Variants in LHPP observed in about 807,000 individuals in gnomAD.
The protein encoded by LHPP is phospholysine phosphohistidine inorganic pyrophosphate phosphatase.
In LHPP, 24 loss-of-function variants were observed where a neutral mutation model predicts 30.3. The observed-to-expected ratio is 0.79, with a 90% CI of 0.57 to 1.11. The LOEUF is 1.11. LHPP is among the 50% of genes most tolerant of loss of function. LHPP has a pLI of 0.00. For missense variants in LHPP, 356 were observed against 367.2 expected (o/e 0.97, Z 0.25); for synonymous variants, 150 against 157.1 (o/e 0.95, Z 0.34).
chr10:124,487,003 G>A (rs1953350358), intron 2 of LHPP, among the ~76,000 whole-genome samples: 2 of 152,244 alleles, frequency 1.3e-5, no homozygotes, highest in Admixed American at 6.5e-5. Context: ...AGTCTTTTGT[G>A]TAAGGCTTCT....
chr10:124,592,046 A>G lies in LHPP; in HGVS notation c.717-21218A>G, dbSNP rs979112820. 6.6e-6 allele frequency among the ~76,000 whole-genome samples: 1 copy of G among 152,208 alleles called. No homozygotes were observed. The highest frequency in any genetic ancestry group is 2.1e-4 in the South Asian group (1 of 4,832). ...AGCACTCAAGTTTATATGGACAAAT[A>G]AGCAAGTAAAATTAGTTAGGAAATC... is the stretch of plus-strand genomic sequence containing the variant. On this transcript the variant is annotated intron_variant, in intron 6 of 6. Transcript: ENST00000368842. This position sits in a 1 kb window ranked among gnomAD's most constrained non-coding sequence, Gnocchi z 6.2.
intron 1 of LHPP, among the ~76,000 whole-genome samples, chr10:124,475,899 C>T (rs1161977612): frequency 2.0e-5 from 3 of 152,184 alleles, no homozygotes; most frequent in Non-Finnish European, 2.9e-5. Context: ...TGAAATGAGA[C>T]ACTCGGGCTG....
chr10:124,470,841 G>A (rs1377554109), intron 1 of LHPP, among the ~76,000 whole-genome samples: 1 of 129,482 alleles, frequency 7.7e-6, no homozygotes, highest in Non-Finnish European at 1.8e-5. Context: ...GAGTTTTCCT[G>A]ATGCAACCTG....
intron 6 of LHPP, among the ~76,000 whole-genome samples, chr10:124,548,781 C>T (rs1032686395): frequency 6.6e-6 from 1 of 152,222 alleles, no homozygotes; most frequent in Non-Finnish European, 1.5e-5. Flanking sequence ...TCAGTGAACC[C>T]TGAGGCTTCC....
At chr10:124,611,785 G>A (rs567413063) in intron 6 of LHPP, among the ~76,000 whole-genome samples, 1 of 152,048 alleles carries the variant, frequency 6.6e-6, no homozygotes, top group Non-Finnish European at 1.5e-5. Flanking sequence ...CCTTTGAAAG[G>A]GCCAACACGG....
At chr10:124,513,655 T>A (rs1191425249) in intron 5 of LHPP, among the ~76,000 whole-genome samples, 1 of 149,512 alleles carries the variant, frequency 6.7e-6, no homozygotes, top group South Asian at 2.1e-4. Context: ...CTGGTTTCAC[T>A]ATGTTGGCCA....
chr10:124,544,683 C>T (rs866628765), intron 6 of LHPP, among the ~76,000 whole-genome samples: 20 of 152,348 alleles, frequency 1.3e-4, no homozygotes, highest in Middle Eastern at 3.4e-3. Flanking sequence ...GCACAAGCCT[C>T]GGCTCTGTGG....
chr10:124,575,181 G>A (rs73369483), intron 6 of LHPP, among the ~76,000 whole-genome samples: 8,954 of 152,130 alleles, frequency 0.059, 834 homozygotes, highest in African/African-American at 0.2. Context: ...GAATCCTGGT[G>A]GACACAGCCT....
chr10:124,520,130 G>A (rs1954574076), intron 6 of LHPP, among the ~76,000 whole-genome samples: 1 of 152,010 alleles, frequency 6.6e-6, no homozygotes, highest in African/African-American at 2.4e-5. Context: ...ACCGCGCCCG[G>A]CCTCTTTCTT....
intron 1 of LHPP, among the ~76,000 whole-genome samples, chr10:124,476,575 G>A (rs780361616): frequency 3.3e-5 from 5 of 152,182 alleles, no homozygotes; most frequent in Admixed American, 6.5e-5. Context: ...GACAGATGCC[G>A]ATCTGTTGCT....
intron 5 of LHPP, among the ~76,000 whole-genome samples, chr10:124,499,702 C>T (rs932329260): frequency 1.6e-4 from 24 of 151,910 alleles, no homozygotes; most frequent in Non-Finnish European, 2.5e-4. Context: ...CCAGGCTGTC[C>T]TGCTGCCTCC....
intron 6 of LHPP, among the ~76,000 whole-genome samples, chr10:124,519,937 A>G (rs1313166889): frequency 2.0e-5 from 3 of 151,300 alleles, no homozygotes; most frequent in African/African-American, 7.3e-5. Context: ...GGTTCACGCC[A>G]TTCTCCTGCC....
At chr10:124,501,613 A>G (rs1002251159) in intron 5 of LHPP, among the ~76,000 whole-genome samples, 5 of 150,342 alleles carry the variant, frequency 3.3e-5, no homozygotes, top group Non-Finnish European at 5.9e-5. Flanking sequence ...AAAAAAAAAA[A>G]AAAAAAAAGA....
intron 1 of LHPP, among the ~76,000 whole-genome samples, chr10:124,475,768 G>A (rs866630761): frequency 1.3e-5 from 2 of 152,056 alleles, no homozygotes; most frequent in Non-Finnish European, 2.9e-5. Context: ...CCTCAGGGAC[G>A]TCGGGCTGCT....
intron 5 of LHPP, among the ~76,000 whole-genome samples, chr10:124,515,848 T>C (rs770884341): frequency 7.9e-5 from 12 of 152,198 alleles, no homozygotes; most frequent in Admixed American, 2.0e-4. Flanking sequence ...TCCCTAGTTA[T>C]TTGGTGTGAT....
chr10:124,594,363 T>C (rs1589703033), intron 6 of LHPP, among the ~76,000 whole-genome samples: 1 of 144,756 alleles, frequency 6.9e-6, no homozygotes, highest in South Asian at 2.3e-4. Context: ...ACAGCATCAC[T>C]GTAGCCAAGG....
chr10:124,568,374 C>T (rs1025436371), intron 6 of LHPP, among the ~76,000 whole-genome samples: 1 of 152,190 alleles, frequency 6.6e-6, no homozygotes, highest in African/African-American at 2.4e-5. Context: ...TTGCCCTTTG[C>T]CTGCAACCCC....
intron 6 of LHPP, among the ~76,000 whole-genome samples, chr10:124,598,999 C>T (rs1489180643): frequency 2.2e-5 from 2 of 91,912 alleles, no homozygotes; most frequent in Non-Finnish European, 5.6e-5. Flanking sequence ...CCATCTCTGC[C>T]CATCCATCCA....
intron 6 of LHPP, among the ~76,000 whole-genome samples, chr10:124,602,915 G>T (rs1288224120): frequency 6.6e-6 from 1 of 152,250 alleles, no homozygotes; most frequent in Non-Finnish European, 1.5e-5. Context: ...ACACAGGGAA[G>T]ATGTCTCTTT....
Sources: gnomAD v4.1 joint callset for allele counts (sites outside exome capture counted in the v4.1 genomes callset) on GRCh38, gnomAD v4.1.1 for gene constraint, Gnocchi (gnomAD v3.1) non-coding constraint, MANE v1.5 for transcripts, NCBI Gene and HGNC (gene_info 2026-07-23, HGNC 2026-07-21) for gene names.